The following RTTN variants were observed in gnomAD, a reference collection of about 807,000 sequenced individuals.
The protein encoded by RTTN is rotatin.
In RTTN, 182 loss-of-function variants were observed where a neutral mutation model predicts 269.2. That is an observed-to-expected ratio of 0.68 (90% CI 0.60 to 0.76). The LOEUF (loss-of-function observed/expected upper bound fraction) is 0.76. Ranked by LOEUF, RTTN falls within the 30% of genes least tolerant of loss-of-function variation. The probability of loss-of-function intolerance (pLI) is 0.00; values close to 1 mark genes in which losing one functional copy is unlikely to be tolerated. For missense variants in RTTN, 2,545 were observed against 2,608.6 expected (o/e 0.98, Z 0.53); for synonymous variants, 1,006 against 963.5 (o/e 1.04, Z -0.82).
At chr18:70,192,669 CAAA>C (rs11313917) in intron 8 of RTTN, among the ~76,000 whole-genome samples, 15 of 89,856 alleles carry the variant, frequency 1.7e-4, no homozygotes, top group East Asian at 3.2e-4. Context: ...GACCTTGTCT[CAAA>C]AAAAAAAAAA....
chr18:70,083,528 T>G (rs899720409), intron 32 of RTTN, among the ~76,000 whole-genome samples: 1 of 152,156 alleles, frequency 6.6e-6, no homozygotes, highest in Non-Finnish European at 1.5e-5. Context: ...GAAAATAACC[T>G]AATTTAGTGG....
Position 70,197,687 on chromosome 18 carries a change from C to T in RTTN, c.630G>A (p.Leu210=), listed in dbSNP as rs201538332. 1.1e-5 allele frequency: 17 copies of T among 1,613,890 alleles called. No individual in the cohort carries two copies. The highest frequency in any genetic ancestry group is 1.4e-5 in the Non-Finnish European group (16 of 1,179,798). ...HTLIWNTCEL[L]KDVIMQDFPA... is the part of the protein sequence containing the mutation. Reference sequence around the variant, plus strand: ...GAAAATCTTGCATGATAACATCCTTCAATAGTTCACAGGTGTTCCAGATTA... The same window carrying T: ...GAAAATCTTGCATGATAACATCCTTTAATAGTTCACAGGTGTTCCAGATTA... The change falls in exon 6 of 49, where the codon TTG becomes TTA. Residue 210 remains leucine, a synonymous_variant. Coordinates refer to ENST00000640769, the MANE Select transcript of RTTN (RefSeq NM_173630.4).
intron 44 of RTTN, among the ~76,000 whole-genome samples, chr18:70,021,580 G>A (rs2056706038): frequency 6.6e-6 from 1 of 152,224 alleles, no homozygotes; most frequent in South Asian, 2.1e-4. Context: ...AGATATACTA[G>A]TGGAGCTGGA....
chr18:70,116,017 T>A (rs929412588), intron 26 of RTTN, among the ~76,000 whole-genome samples: 5 of 152,020 alleles, frequency 3.3e-5, no homozygotes, highest in Non-Finnish European at 5.9e-5. Flanking sequence ...AAGCAATATA[T>A]GTCTTTGGAT....
chr18:70,096,743 G>C (rs534613106), intron 28 of RTTN, among the ~76,000 whole-genome samples: 2 of 152,310 alleles, frequency 1.3e-5, no homozygotes, highest in East Asian at 3.9e-4. Flanking sequence ...CCCCTGCTGG[G>C]AGGTGTCTCC....
chr18:70,119,900 G>C (rs1568414210), intron 26 of RTTN, among the ~76,000 whole-genome samples: 1 of 152,024 alleles, frequency 6.6e-6, no homozygotes, highest in South Asian at 2.1e-4. Context: ...ATAAATGCTG[G>C]GTATGCAATA....
chr18:70,110,311 C>T (rs533188197), intron 27 of RTTN, among the ~76,000 whole-genome samples: 3 of 151,964 alleles, frequency 2.0e-5, no homozygotes, highest in Non-Finnish European at 2.9e-5. Flanking sequence ...CTGCAGCTCC[C>T]GGCAAGATCG....
At chr18:70,148,871 T>TTC (rs1306842706) in intron 17 of RTTN, 30 bp downstream of exon 17, 1 of 1,610,982 alleles carries the variant, frequency 6.2e-7, no homozygotes, top group Admixed American at 1.7e-5. Flanking sequence ...CCATCAATCT[T>TTC]TGACGTTCAC....
chr18:70,145,654 AG>A lies in RTTN; in HGVS notation c.2438del (p.Pro813LeufsTer35). The stretch of plus-strand genomic sequence containing the variant: ...TTCTGTCATCCAGTCTGAGTTCAAT[AG>A]GTTTCTTCCCAATGAATAAATCAGT... Reference protein sequence around the residue: ...RVTDLFIGKKPIELRLDDRRE... With the variant: ...RVTDLFIGKKXIELRLDDRRE... On this transcript the variant is annotated frameshift_variant, in exon 18 of 49. Transcript: ENST00000640769. LOFTEE classifies it high-confidence loss of function. 6.2e-7 allele frequency: 1 copy of A among 1,612,370 alleles called. No homozygotes were observed. Among genetic ancestry groups the A allele is most frequent in the East Asian group, 2.2e-5 (1 of 44,842 alleles).
intron 43 of RTTN, among the ~76,000 whole-genome samples, chr18:70,025,332 C>T (rs1050792871): frequency 1.3e-5 from 2 of 151,892 alleles, no homozygotes; most frequent in East Asian, 3.9e-4. Flanking sequence ...AAAATTCAGT[C>T]TAAATATTAT....
At chr18:70,165,587 TAC>T (rs1257382962) in intron 14 of RTTN, among the ~76,000 whole-genome samples, 2 of 152,096 alleles carry the variant, frequency 1.3e-5, no homozygotes, top group Admixed American at 6.5e-5. Flanking sequence ...TTGTCCTATG[TAC>T]AGTGTTCTTT....
rs2057105947 is a variant in RTTN at position 70,034,253 on chromosome 18, C to A, written c.5542-3272G>T. On this transcript the variant is annotated intron_variant, in intron 40 of 48. Coordinates refer to ENST00000640769, the MANE Select transcript of RTTN (RefSeq NM_173630.4). ...CCCAAAACTGGCAGAGACACAACAA[C>A]AAAAAAAAGGGTCAATATCCTTGAT... 4.0e-5 allele frequency among the ~76,000 whole-genome samples: 6 copies of A among 151,048 alleles called. No individual in the cohort carries two copies. The South Asian group carries it at 1.3e-3, about 31-fold the overall frequency.
Position 70,127,687 on chromosome 18 carries a change from T to C in RTTN, c.3198A>G (p.Thr1066=), listed in dbSNP as rs747312783. 1 of 1,613,412 alleles carries C rather than the reference T, an allele frequency of 6.2e-7. No individual in the cohort carries two copies. The highest frequency in any genetic ancestry group is 2.2e-5 in the East Asian group (1 of 44,866). ...STEDILTLKI[T]HMASGLQDCL... ...AGTCCTGCAGCCCACTAGCCATGTG[T>C]GTTATCTTCAGAGTGAGGATGTCCT... The change falls in exon 25 of 49, where the codon ACA becomes ACG. Residue 1066 remains threonine, a synonymous_variant. Coordinates refer to ENST00000640769, the MANE Select transcript of RTTN (RefSeq NM_173630.4).
At chr18:70,198,745 CA>C (rs1441163977) in intron 5 of RTTN, among the ~76,000 whole-genome samples, 3 of 152,188 alleles carry the variant, frequency 2.0e-5, no homozygotes, top group Non-Finnish European at 4.4e-5. Flanking sequence ...ATGAAGCCCA[CA>C]TTTTGAAATA....
chr18:70,046,789 G>A (rs1175034702), intron 40 of RTTN, among the ~76,000 whole-genome samples: 4 of 152,182 alleles, frequency 2.6e-5, no homozygotes, highest in Admixed American at 6.5e-5. Flanking sequence ...GGAGATGGAT[G>A]AGAAAATGGG....
In RTTN at chr18:70,149,029, G is replaced by A. The variant is rs200254635; in HGVS notation, c.2181C>T (p.Ala727=). 84 of 1,612,372 alleles carry A rather than the reference G, an allele frequency of 5.2e-5. No homozygotes were observed. Among genetic ancestry groups the A allele is most frequent in the East Asian group, 4.9e-4 (22 of 44,846 alleles). ...CPVIPILQGY[A]DTEDPLGNCI... Reference sequence around the variant, plus strand: ...AGTTACCCAGAGGATCTTCTGTGTCGGCATAGCCCTAATAGATTTGTTTTT... The same window carrying A: ...AGTTACCCAGAGGATCTTCTGTGTCAGCATAGCCCTAATAGATTTGTTTTT... The change falls in exon 17 of 49, where the codon GCC becomes GCT. Residue 727 remains alanine (A), a synonymous_variant. Transcript: ENST00000640769.
rs1458098131 is a variant in RTTN, at chr18:70,121,641, T to C, written c.3443A>G (p.His1148Arg). 1.9e-6 allele frequency: 3 copies of C among 1,577,306 alleles called. No individual in the cohort carries two copies. The highest frequency in any genetic ancestry group is 2.0e-5 in the Admixed American group (1 of 51,072). The change falls in exon 26 of 49, where the codon CAT becomes CGT. Residue 1148 changes from histidine to arginine, a missense_variant. His to Arg is a conservative substitution (Grantham distance 29). Coordinates refer to ENST00000640769, the MANE Select transcript of RTTN (RefSeq NM_173630.4). Reference sequence around the variant, plus strand: ...TTCCTTTATTAATTTATTTAAAAAATGTATGATATCTATTAGCAGTTTCTC... The same window carrying C: ...TTCCTTTATTAATTTATTTAAAAAACGTATGATATCTATTAGCAGTTTCTC... ...EDEKLLIDII[H>R]FLNKLIKEQR...
At chr18:70,119,668 C>T (rs540364098) in intron 26 of RTTN, among the ~76,000 whole-genome samples, 78 of 152,270 alleles carry the variant, frequency 5.1e-4, no homozygotes, top group African/African-American at 1.7e-3. Flanking sequence ...TCAGCACACA[C>T]GCACCTCTAC....
At chr18:70,158,066 C>A (rs1455161607) in intron 14 of RTTN, among the ~76,000 whole-genome samples, 1 of 151,992 alleles carries the variant, frequency 6.6e-6, no homozygotes, top group Non-Finnish European at 1.5e-5. Context: ...CCTCACTAGG[C>A]AGGTCAATAA....
Sources: gnomAD v4.1 joint callset for allele counts (sites outside exome capture counted in the v4.1 genomes callset) on GRCh38, gnomAD v4.1.1 for gene constraint, MANE v1.5 for transcripts, NCBI Gene and HGNC (gene_info 2026-07-23, HGNC 2026-07-21) for gene names.